CCDC192: variants seen among roughly 807,000 people sequenced by gnomAD.
CCDC192 encodes the protein coiled-coil domain containing 192.
At chr5:127,897,706 AT>A (rs556201460) in intron 6 of CCDC192, among the ~76,000 whole-genome samples, 32 of 150,986 alleles carry the variant, frequency 2.1e-4, no homozygotes, top group Non-Finnish European at 4.1e-4. Context: ...GAGGATTCTC[AT>A]TTTTTTTTCT....
intron 6 of CCDC192, among the ~76,000 whole-genome samples, chr5:127,898,719 G>T (rs1423353488): frequency 6.6e-6 from 1 of 152,066 alleles, no homozygotes; most frequent in Non-Finnish European, 1.5e-5. Flanking sequence ...TCCCTGCATG[G>T]TACCCTTCAT....
chr5:127,827,609 TGGTCTGCG>T (rs1197655446), intron 5 of CCDC192, among the ~76,000 whole-genome samples: 3 of 152,208 alleles, frequency 2.0e-5, no homozygotes, highest in Non-Finnish European at 4.4e-5. Flanking sequence ...GAATTGGGCG[TGGTCTGCG>T]GAAGAACGCC....
In CCDC192 at chr5:127,834,214, C is replaced by T. The variant is rs139383913; in HGVS notation, c.411+36052C>T. 9.2e-3 allele frequency among the ~76,000 whole-genome samples: 1,404 copies of T among 152,268 alleles called. 9 individuals are homozygous for T. Among genetic ancestry groups the T allele is most frequent in the Non-Finnish European group, 0.014 (945 of 68,014 alleles). On this transcript the variant is annotated intron_variant, in intron 5 of 6. Transcript: ENST00000514853. ...AAACAGATTACTGACCAGCCCATAT[C>T]TTTCATTAGTTCCCCCATATATTAA...
At chr5:127,889,547 G>T (rs935416763) in intron 6 of CCDC192, among the ~76,000 whole-genome samples, 2 of 152,018 alleles carry the variant, frequency 1.3e-5, no homozygotes, top group Non-Finnish European at 2.9e-5. Flanking sequence ...GCTTACAGGA[G>T]CTCGCCACCA....
chr5:127,892,891 C>T (rs563865897), intron 6 of CCDC192, among the ~76,000 whole-genome samples: 1 of 152,246 alleles, frequency 6.6e-6, no homozygotes, highest in South Asian at 2.1e-4. Flanking sequence ...GAAAATAATG[C>T]TCTCCATTGT....
Position 127,859,122 on chromosome 5 carries a change from A to G in CCDC192, c.412-16416A>G, listed in dbSNP as rs887429894. On this transcript the variant is annotated intron_variant, in intron 5 of 6. Coordinates refer to ENST00000514853, the MANE Select transcript of CCDC192 (RefSeq NM_001317938.2). Reference sequence around the variant, plus strand: ...TTTTCCTTACTGTGAAGAAAGATCTATCCCTTTGAGGAGAAATCCATTAGT... The same window carrying G: ...TTTTCCTTACTGTGAAGAAAGATCTGTCCCTTTGAGGAGAAATCCATTAGT... Among the ~76,000 whole-genome samples, 19 of 152,328 alleles carry G rather than the reference A, an allele frequency of 1.2e-4. 1 individual carries two copies. The highest frequency in any genetic ancestry group is 6.8e-3 in the Middle Eastern group (2 of 294).
chr5:127,822,692 T>A (rs1749345955), intron 5 of CCDC192, among the ~76,000 whole-genome samples: 1 of 152,082 alleles, frequency 6.6e-6, no homozygotes. Context: ...GGAAGGACGC[T>A]CCCTCAGAGG....
At chr5:127,809,563 A>G (rs186890154) in intron 5 of CCDC192, among the ~76,000 whole-genome samples, 2 of 152,320 alleles carry the variant, frequency 1.3e-5, no homozygotes, top group African/African-American at 4.8e-5. Context: ...CAGACCAGCA[A>G]ATGTAATAAT....
intron 6 of CCDC192, among the ~76,000 whole-genome samples, chr5:127,887,760 G>A (rs1752611121): frequency 6.7e-6 from 1 of 149,906 alleles, no homozygotes. Context: ...CTGGAGTGCA[G>A]TGGCACGATC....
chr5:127,890,485 AC>A (rs2127155200), intron 6 of CCDC192, among the ~76,000 whole-genome samples: 1 of 150,640 alleles, frequency 6.6e-6, no homozygotes, highest in East Asian at 1.9e-4. Flanking sequence ...TAGGAATTTA[AC>A]CTTCATTGGT....
chr5:127,936,691 G>A (rs763733107), intron 6 of CCDC192, among the ~76,000 whole-genome samples: 15 of 152,282 alleles, frequency 9.9e-5, no homozygotes, highest in Non-Finnish European at 1.3e-4. Flanking sequence ...TTTTTCCTCC[G>A]TCTCACATAG....
chr5:127,784,607 TG>T, intron 3 of CCDC192: 1 of 613,082 alleles, frequency 1.6e-6, no homozygotes, highest in Non-Finnish European at 3.0e-6. Flanking sequence ...AGACCCTTCC[TG>T]GAGGGTTAAG....
At chr5:127,874,999 A>T (rs763661236) in intron 5 of CCDC192, among the ~76,000 whole-genome samples, 5 of 151,144 alleles carry the variant, frequency 3.3e-5, no homozygotes, top group Non-Finnish European at 7.4e-5. Flanking sequence ...CTTATGCTTG[A>T]CGCTTTCTTA....
At chr5:127,724,373 G>T (rs790834) in intron 2 of CCDC192, among the ~76,000 whole-genome samples, 1 of 151,944 alleles carries the variant, frequency 6.6e-6, no homozygotes, top group Non-Finnish European at 1.5e-5. Context: ...TCCTATTAAT[G>T]TTTTTCTTCC....
intron 2 of CCDC192, among the ~76,000 whole-genome samples, chr5:127,741,827 A>T (rs1336442729): frequency 6.6e-6 from 1 of 152,154 alleles, no homozygotes; most frequent in Non-Finnish European, 1.5e-5. Flanking sequence ...CTAGAGATAG[A>T]CCTGGAATAT....
intron 3 of CCDC192, among the ~76,000 whole-genome samples, chr5:127,769,177 T>G (rs1017899036): frequency 2.6e-5 from 4 of 152,230 alleles, no homozygotes; most frequent in African/African-American, 9.6e-5. Context: ...AAATTCACAT[T>G]ACTTAATGGA....
At chr5:127,937,793 G>A (rs1297532319) in intron 6 of CCDC192, among the ~76,000 whole-genome samples, 1 of 152,208 alleles carries the variant, frequency 6.6e-6, no homozygotes, top group African/African-American at 2.4e-5. Context: ...CATTAGAGCT[G>A]GGTGAACTCT....
At chr5:127,745,825 C>A (rs1753707309) in intron 2 of CCDC192, among the ~76,000 whole-genome samples, 1 of 152,064 alleles carries the variant, frequency 6.6e-6, no homozygotes, top group Non-Finnish European at 1.5e-5. Flanking sequence ...TGCATGTGTC[C>A]ACACGTACCT....
intron 6 of CCDC192, among the ~76,000 whole-genome samples, chr5:127,917,910 C>T (rs766598448): frequency 1.3e-5 from 2 of 152,012 alleles, no homozygotes; most frequent in East Asian, 1.9e-4. Context: ...GAGGCTTAGG[C>T]GGGTGGGTCA....
Sources: allele counts gnomAD v4.1 joint callset (sites outside exome capture counted in the v4.1 genomes callset), GRCh38; gene constraint gnomAD v4.1.1; transcripts MANE v1.5; gene names NCBI Gene and HGNC (gene_info 2026-07-23, HGNC 2026-07-21).